RPS6KA2: variants seen among roughly 807,000 people sequenced by gnomAD.
RPS6KA2 encodes ribosomal protein S6 kinase A2.
Under a neutral mutation model 91.8 loss-of-function variants are expected in RPS6KA2, and 42 were observed. The observed-to-expected ratio is 0.46, with a 90% CI of 0.36 to 0.59. The LOEUF (loss-of-function observed/expected upper bound fraction) is 0.59. Among genes scored for constraint, RPS6KA2 ranks in the 20% least tolerant of loss-of-function variants. RPS6KA2 has a pLI of 0.00. For missense variants in RPS6KA2, 798 were observed against 978.5 expected (o/e 0.82, Z 2.46); for synonymous variants, 414 against 393.6 (o/e 1.05, Z -0.61).
chr6:166,601,706 C>T (rs1460903289), intron 1 of RPS6KA2, among the ~76,000 whole-genome samples: 2 of 152,122 alleles, frequency 1.3e-5, no homozygotes, highest in Non-Finnish European at 2.9e-5. Context: ...ATTTAAAAAG[C>T]AGAAAACAAA....
chr6:166,520,618 T>C (rs1315356791), intron 3 of RPS6KA2, among the ~76,000 whole-genome samples: 2 of 152,142 alleles, frequency 1.3e-5, no homozygotes, highest in Non-Finnish European at 2.9e-5. Context: ...CCTAAGAATG[T>C]AGAAGTAGCT....
chr6:166,486,944 G>A (rs1248529163), intron 10 of RPS6KA2, among the ~76,000 whole-genome samples: 6 of 152,358 alleles, frequency 3.9e-5, no homozygotes, highest in South Asian at 2.1e-4. Flanking sequence ...AAATGCAGAC[G>A]GTGCAGAGCC....
In RPS6KA2 at chr6:166,437,524, A is replaced by G. The variant is rs1323797057; in HGVS notation, c.1333-5034T>C. Among the ~76,000 whole-genome samples, 1 of 152,182 alleles carries G rather than the reference A, an allele frequency of 6.6e-6. No homozygotes were observed. The highest frequency in any genetic ancestry group is 1.5e-5 in the Non-Finnish European group (1 of 68,024). ...CTCATCTGGCAACAGCTGGTTAGAA[A>G]GGACTCCTACAACCTCCAGAGAAGG... On this transcript the variant is annotated intron_variant, in intron 14 of 20. Transcript: ENST00000265678. The surrounding 1 kb of genome is among the most constrained non-coding windows in gnomAD (Gnocchi z 4.3).
intron 1 of RPS6KA2, among the ~76,000 whole-genome samples, chr6:166,568,145 C>T (rs992661881): frequency 6.6e-6 from 1 of 152,126 alleles, no homozygotes; most frequent in Admixed American, 6.5e-5. Context: ...CTTGGGGTGA[C>T]AGGAATCTTT....
At chr6:166,537,984 C>G (rs986319542) in intron 2 of RPS6KA2, among the ~76,000 whole-genome samples, 1 of 152,178 alleles carries the variant, frequency 6.6e-6, no homozygotes, top group African/African-American at 2.4e-5. Flanking sequence ...AATGAAGAGC[C>G]AACTATTTCT....
intron 2 of RPS6KA2, among the ~76,000 whole-genome samples, chr6:166,731,111 G>A (rs1384971171): frequency 6.6e-6 from 1 of 152,062 alleles, no homozygotes; most frequent in Admixed American, 6.5e-5. Context: ...GCGTGCTGGC[G>A]CATGCCTGTA....
At chr6:166,511,864 G>A (rs1782487346) in intron 3 of RPS6KA2, among the ~76,000 whole-genome samples, 2 of 152,204 alleles carry the variant, frequency 1.3e-5, no homozygotes, top group African/African-American at 4.8e-5. Flanking sequence ...GTAAAATGGT[G>A]CAGTCACTGA....
Position 166,783,046 on chromosome 6 carries a change from AGGTATTATTATT to A in RPS6KA2, c.123+75142_123+75153del, listed in dbSNP as rs1328040043. ...CTAAACTTGCTGCAGGGTATCTTTT[AGGTATTATTATT>A]ATTATTATTATTATTATTATTATTA... On this transcript the variant is annotated intron_variant, in intron 2 of 21. Coordinates refer to the RPS6KA2 transcript ENST00000503859. Among the ~76,000 whole-genome samples the A allele has an allele frequency of 5.6e-3, 781 of 139,918 alleles. 8 individuals carry two copies. The highest frequency in any genetic ancestry group is 0.017 in the African/African-American group (619 of 37,192). The allele number at this position is 139,918 out of a possible 152,430, so 91.8% of individuals were successfully genotyped here. A position where few individuals can be genotyped will look rare whatever the true frequency, so the allele number is the denominator to read the frequency against.
At chr6:166,657,216 C>G (rs1464389317) in intron 2 of RPS6KA2, among the ~76,000 whole-genome samples, 1 of 152,058 alleles carries the variant, frequency 6.6e-6, no homozygotes, top group Non-Finnish European at 1.5e-5. Context: ...GCATTTCTTT[C>G]TGTTTGGAAA....
chr6:166,827,256 C>CA lies in RPS6KA2; in HGVS notation c.123+30943dup, dbSNP rs56296433. Among the ~76,000 whole-genome samples, 189 of 94,460 alleles carry CA rather than the reference C, an allele frequency of 2.0e-3. 6 individuals are homozygous for CA. Among genetic ancestry groups the CA allele is most frequent in the East Asian group, 0.013 (40 of 3,176 alleles). The allele number at this position is 94,460 out of a possible 152,430, so 62.0% of individuals were successfully genotyped here. On this transcript the variant is annotated intron_variant, in intron 2 of 21. Coordinates refer to the RPS6KA2 transcript ENST00000503859. ...GCACAAAGGCCATCACAACCTTATA[C>CA]AAAAAAAAAAAAAAAAAAAAAAAAA...
chr6:166,676,547 A>G (rs563207744), intron 2 of RPS6KA2, among the ~76,000 whole-genome samples: 69 of 152,260 alleles, frequency 4.5e-4, no homozygotes, highest in Admixed American at 4.4e-3. Context: ...CCATGATCAG[A>G]TCTCACCTAA....
chr6:166,414,411 G>C (rs1186873221), intron 19 of RPS6KA2, among the ~76,000 whole-genome samples: 2 of 152,148 alleles, frequency 1.3e-5, no homozygotes, highest in Non-Finnish European at 2.9e-5. Flanking sequence ...ATGTCCAGTG[G>C]GTTCATGTGC....
At chr6:166,772,448 G>C (rs948215798) in intron 2 of RPS6KA2, among the ~76,000 whole-genome samples, 7 of 152,230 alleles carry the variant, frequency 4.6e-5, no homozygotes, top group African/African-American at 7.2e-5. Context: ...AGCTTCGGAC[G>C]CTGGGATTCA....
At chr6:166,789,510 G>A (rs1226592052) in intron 2 of RPS6KA2, among the ~76,000 whole-genome samples, 1 of 152,232 alleles carries the variant, frequency 6.6e-6, no homozygotes, top group East Asian at 1.9e-4. Context: ...GCTTTGAAGA[G>A]AGTAGTGGTT....
intron 2 of RPS6KA2, among the ~76,000 whole-genome samples, chr6:166,535,426 C>T (rs2128493483): frequency 6.6e-6 from 1 of 152,344 alleles, no homozygotes; most frequent in East Asian, 1.9e-4. Flanking sequence ...ATGTTCTTAT[C>T]ATGCTACCAG....
chr6:166,644,541 AT>A (rs1787549368), intron 2 of RPS6KA2, among the ~76,000 whole-genome samples: 1 of 152,218 alleles, frequency 6.6e-6, no homozygotes, highest in African/African-American at 2.4e-5. Context: ...ACCTCCCGGT[AT>A]TCTCAGGGAA....
intron 2 of RPS6KA2, among the ~76,000 whole-genome samples, chr6:166,704,826 A>G (rs1583035152): frequency 6.6e-6 from 1 of 152,168 alleles, no homozygotes; most frequent in African/African-American, 2.4e-5. Context: ...TCCTTCCCCT[A>G]GGCTGCCTTC....
At chr6:166,695,679 G>T (rs1789335153) in intron 2 of RPS6KA2, among the ~76,000 whole-genome samples, 1 of 142,424 alleles carries the variant, frequency 7.0e-6, no homozygotes, top group Non-Finnish European at 1.6e-5. Context: ...TCTCCTAGGA[G>T]CACTGGATTC....
At chr6:166,836,749 T>A (rs948988564) in intron 2 of RPS6KA2, among the ~76,000 whole-genome samples, 1 of 151,668 alleles carries the variant, frequency 6.6e-6, no homozygotes, top group Admixed American at 6.6e-5. Context: ...TTGGCTTTTG[T>A]TTGTTTGTTT....
Sources: gnomAD v4.1 joint callset for allele counts (sites outside exome capture counted in the v4.1 genomes callset) on GRCh38, gnomAD v4.1.1 for gene constraint, Gnocchi (gnomAD v3.1) non-coding constraint, MANE v1.5 for transcripts, NCBI Gene and HGNC (gene_info 2026-07-23, HGNC 2026-07-21) for gene names.